DMD: variants seen among roughly 807,000 people sequenced by gnomAD.
The protein encoded by DMD is dystrophin.
Under a neutral mutation model 330.1 loss-of-function variants are expected in DMD, and 63 were observed. The observed-to-expected ratio is 0.19, with a 90% CI of 0.16 to 0.24. DMD has a LOEUF of 0.24. Among genes scored for constraint, DMD ranks in the 10% least tolerant of loss-of-function variants. The pLI is 1.00. For synonymous variants in DMD, 1,223 were observed against 959.8 expected (o/e 1.27, Z -5.07); for missense variants, 3,344 against 2,684.1 (o/e 1.25, Z -5.43).
chrX:31,484,634 T>C (rs905021821), intron 57 of DMD, among the ~76,000 whole-genome samples: 8 of 111,720 alleles, frequency 7.2e-5, no homozygotes, highest in African/African-American at 2.6e-4. Flanking sequence ...CTTCTTAAGG[T>C]TCACAAAATA....
chrX:32,934,167 A>C (rs905743846), intron 2 of DMD, among the ~76,000 whole-genome samples: 31 of 111,976 alleles, frequency 2.8e-4, no homozygotes, highest in African/African-American at 1.0e-3. Flanking sequence ...AGTAAAACTA[A>C]TGAAAACCAT....
At chrX:32,343,111 T>C (rs1283064253) in intron 40 of DMD, 23 bp downstream of exon 40, 1 of 1,198,678 alleles carries the variant, frequency 8.3e-7, no homozygotes, top group Non-Finnish European at 1.1e-6. Context: ...AAATCTGGTA[T>C]TGACATTCTA....
intron 55 of DMD, among the ~76,000 whole-genome samples, chrX:31,553,118 C>T (rs962815693): frequency 1.8e-5 from 2 of 111,810 alleles, no homozygotes; most frequent in African/African-American, 6.5e-5. Context: ...TCTCAGGCCC[C>T]ATCCCAGACC....
chrX:32,252,116 G>A (rs922785714), intron 43 of DMD, among the ~76,000 whole-genome samples: 2 of 111,549 alleles, frequency 1.8e-5, no homozygotes, highest in African/African-American at 6.5e-5. Flanking sequence ...CTTGTACAAC[G>A]TAAAACTTGC....
intron 7 of DMD, among the ~76,000 whole-genome samples, chrX:32,738,630 A>C (rs1391951972): frequency 8.9e-6 from 1 of 111,899 alleles, no homozygotes; most frequent in Non-Finnish European, 1.9e-5. Flanking sequence ...GTAGATTTTA[A>C]AGTTAATTGA....
Position 32,741,994 on chromosome X carries a change from C to A in DMD, c.650-42701G>T, listed in dbSNP as rs150513921. Reference sequence around the variant, plus strand: ...AAAACCGTGATTACTTTTGCACCAACTTAATATATTTTTAGAATGTGTGTT... The same window carrying A: ...AAAACCGTGATTACTTTTGCACCAAATTAATATATTTTTAGAATGTGTGTT... On this transcript the variant is annotated intron_variant, in intron 7 of 78. Transcript: ENST00000357033. 9.6e-3 allele frequency among the ~76,000 whole-genome samples: 1,074 copies of A among 111,588 alleles called. 7 individuals carry two copies. Among genetic ancestry groups the A allele is most frequent in the African/African-American group, 0.032 (997 of 30,719 alleles).
intron 47 of DMD, among the ~76,000 whole-genome samples, chrX:31,879,449 G>A (rs1216185804): frequency 9.0e-6 from 1 of 110,769 alleles, no homozygotes; most frequent in African/African-American, 3.3e-5. Context: ...ATTTGGGTGG[G>A]GACACAGCCA....
intron 4 of DMD, among the ~76,000 whole-genome samples, chrX:32,837,139 C>A (rs2079721993): frequency 8.9e-6 from 1 of 111,917 alleles, no homozygotes; most frequent in African/African-American, 3.2e-5. Flanking sequence ...GAGTTCTCGG[C>A]ATGCAGATTC....
intron 50 of DMD, among the ~76,000 whole-genome samples, chrX:31,798,803 AAGAG>A (rs1470620368): frequency 8.9e-6 from 1 of 112,005 alleles, no homozygotes; most frequent in Non-Finnish European, 1.9e-5. Context: ...GGAAAAAAGT[AAGAG>A]AGTGAGAGGG....
chrX:32,372,331 T>A (rs2097882195), intron 34 of DMD, among the ~76,000 whole-genome samples: 1 of 111,834 alleles, frequency 8.9e-6, no homozygotes, highest in African/African-American at 3.2e-5. Context: ...ACATTTTCCC[T>A]GTCCTTTTGC....
intron 43 of DMD, among the ~76,000 whole-genome samples, chrX:32,243,899 C>T (rs561519882): frequency 5.3e-4 from 58 of 109,754 alleles, no homozygotes; most frequent in African/African-American, 1.9e-3. Flanking sequence ...ATTTTGTTTT[C>T]TCTTTGAAAA....
intron 2 of DMD, among the ~76,000 whole-genome samples, chrX:32,874,353 C>A (rs754294418): frequency 9.0e-6 from 1 of 110,879 alleles, no homozygotes; most frequent in African/African-American, 3.3e-5. Flanking sequence ...GAAGAATGAA[C>A]GGTCAGCATG....
intron 50 of DMD, among the ~76,000 whole-genome samples, chrX:31,814,206 G>A (rs1332024897): frequency 9.1e-6 from 1 of 110,245 alleles, no homozygotes; most frequent in Non-Finnish European, 1.9e-5. Context: ...TCTGGGCCGG[G>A]CGCGGTGGCT....
chrX:31,158,588 T>C (rs1179194971), intron 74 of DMD, among the ~76,000 whole-genome samples: 1 of 111,783 alleles, frequency 8.9e-6, no homozygotes, highest in Non-Finnish European at 1.9e-5. Context: ...CTAATACTGG[T>C]TAACCTATTA....
intron 41 of DMD, among the ~76,000 whole-genome samples, chrX:32,339,869 A>G (rs774696547): frequency 8.0e-5 from 9 of 111,854 alleles, no homozygotes; most frequent in Non-Finnish European, 1.7e-4. Context: ...AAATCAAACA[A>G]TTAGAGAAGG....
intron 1 of DMD, among the ~76,000 whole-genome samples, chrX:33,316,864 C>T (rs770399226): frequency 1.8e-5 from 2 of 110,502 alleles, no homozygotes; most frequent in East Asian, 2.8e-4. Flanking sequence ...GCAATATATC[C>T]CTGAAATTAT....
At chrX:32,100,532 T>C (rs1345658840) in intron 44 of DMD, among the ~76,000 whole-genome samples, 6 of 110,709 alleles carry the variant, frequency 5.4e-5, no homozygotes, top group Admixed American at 9.7e-5. Context: ...AGATTTACGC[T>C]TTTTCAAAGC....
intron 18 of DMD, chrX:32,517,741 TA>T: frequency 2.4e-6 from 1 of 419,147 alleles, no homozygotes; most frequent in Non-Finnish European, 4.2e-6. Flanking sequence ...ATTAATGTCA[TA>T]AAATTGTTAA....
At chrX:32,985,450 G>A (rs1424695757) in intron 2 of DMD, among the ~76,000 whole-genome samples, 1 of 111,041 alleles carries the variant, frequency 9.0e-6, no homozygotes, top group Non-Finnish European at 1.9e-5. Flanking sequence ...AAGAGTTTGG[G>A]ATTATTTTAT....
Sources: gnomAD v4.1 joint callset for allele counts (sites outside exome capture counted in the v4.1 genomes callset) on GRCh38, gnomAD v4.1.1 for gene constraint, MANE v1.5 for transcripts, NCBI Gene and HGNC (gene_info 2026-07-23, HGNC 2026-07-21) for gene names.